Variants in GANC observed in about 807,000 individuals in gnomAD.
GANC encodes the protein glucosidase alpha, neutral C, also known as neutral alpha-glucosidase C.
A neutral mutation model predicts 124.2 loss-of-function variants in GANC; 117 were observed. The ratio of observed to expected loss-of-function variants is 0.94; its 90% CI spans 0.81 to 1.10. The LOEUF (loss-of-function observed/expected upper bound fraction) is 1.10, where lower values mean the gene tolerates loss of function less well. Ranked by LOEUF, GANC falls within the 50% of genes least tolerant of loss-of-function variation. The pLI, the probability that GANC is intolerant of heterozygous loss-of-function variation, is 0.00. For synonymous variants in GANC, 377 were observed against 376.8 expected, an observed-to-expected ratio of 1.00 and a Z score of -0.01; for missense variants, 1,140 against 1,095.0, an observed-to-expected ratio of 1.04 and a Z score of -0.58.
intron 18 of GANC, 86 bp from the exon 19 acceptor site, chr15:42,342,992 A>G: frequency 7.2e-6 from 8 of 1,115,498 alleles, no homozygotes; most frequent in Non-Finnish European, 9.4e-6. Flanking sequence ...CTGTAACACC[A>G]TGATAGCTAG....
chr15:42,299,994 C>G (rs1487668243), intron 6 of GANC, among the ~76,000 whole-genome samples: 3 of 152,070 alleles, frequency 2.0e-5, no homozygotes, highest in Non-Finnish European at 2.9e-5. Context: ...AATGTAAAAC[C>G]CAAAACCATA....
intron 3 of GANC, among the ~76,000 whole-genome samples, chr15:42,279,889 G>A (rs772503050): frequency 1.3e-5 from 2 of 152,150 alleles, no homozygotes; most frequent in Admixed American, 6.5e-5. Context: ...ACTGATATTC[G>A]TGGGTTCTCC....
chr15:42,307,489 A>G (rs1455836437), intron 7 of GANC, among the ~76,000 whole-genome samples: 2 of 152,020 alleles, frequency 1.3e-5, no homozygotes, highest in African/African-American at 4.8e-5. Flanking sequence ...ATGAGCCACC[A>G]TACCCGGCCA....
In GANC at chr15:42,330,819, G is replaced by A. The variant is rs1198625314; in HGVS notation, c.1741+147G>A. 4 of 555,574 alleles carry A rather than the reference G, an allele frequency of 7.2e-6. No homozygotes were observed. The African/African-American group carries it at 8.1e-5, about 11-fold the overall frequency. The allele number at this position is 555,574 out of a possible 1,614,324, so 34.4% of individuals were successfully genotyped here. On this transcript the variant is annotated intron_variant, in intron 15 of 23. Coordinates refer to ENST00000318010, the MANE Select transcript of GANC (RefSeq NM_198141.3). ...ATTTGTTTGTTTGAAACAGAGTCTC[G>A]CTTTGTCACCCAGGCTGGAGTGCAG...
intron 20 of GANC, among the ~76,000 whole-genome samples, chr15:42,347,043 G>C (rs1774386615): frequency 6.6e-6 from 1 of 151,366 alleles, no homozygotes; most frequent in South Asian, 2.1e-4. Context: ...CTGAGATTCA[G>C]AGAAGTTAAA....
In GANC at chr15:42,352,495, C is replaced by T. The variant is rs3743007; in HGVS notation, c.*356C>T. ...TACCTGGGCAGCCCATTTGCCAGGGCTTGCCTCAGGCCATGCAGCATTGGC... is the reference window on the plus strand; with the variant it reads ...TACCTGGGCAGCCCATTTGCCAGGGTTTGCCTCAGGCCATGCAGCATTGGC... On this transcript the variant is annotated 3_prime_UTR_variant, in exon 24 of 24. Coordinates refer to ENST00000318010, the MANE Select transcript of GANC (RefSeq NM_198141.3). 69,556 of 1,054,350 alleles carry T rather than the reference C, an allele frequency of 0.066. 3,067 individuals are homozygous for T. Among genetic ancestry groups the T allele is most frequent in the Admixed American group, 0.2 (4,158 of 20,650 alleles). 65.3% of individuals were successfully genotyped at this position (1,054,350 alleles called of 1,614,324 possible). A position where few individuals can be genotyped will look rare whatever the true frequency, so the allele number is the denominator to read the frequency against.
chr15:42,321,458 G>A (rs191861630), intron 10 of GANC, among the ~76,000 whole-genome samples: 1 of 152,084 alleles, frequency 6.6e-6, no homozygotes, highest in Admixed American at 6.6e-5. Context: ...ACTCTACAAG[G>A]TCCAAACCAG....
chr15:42,287,133 A>G (rs749461914), intron 3 of GANC, among the ~76,000 whole-genome samples: 11 of 152,100 alleles, frequency 7.2e-5, no homozygotes, highest in Non-Finnish European at 1.0e-4. Context: ...CCCCGGGTCT[A>G]TTTTCCCAGC....
intron 3 of GANC, among the ~76,000 whole-genome samples, chr15:42,285,692 G>A (rs927963541): frequency 6.6e-6 from 1 of 152,184 alleles, no homozygotes; most frequent in African/African-American, 2.4e-5. Flanking sequence ...CTACTCAGGA[G>A]GCTGAGGCAC....
At chr15:42,278,104 C>A in intron 2 of GANC, 1 of 323,212 alleles carries the variant, frequency 3.1e-6, no homozygotes, top group South Asian at 2.3e-5. Flanking sequence ...CTTGTTAAAC[C>A]ACTAGATTAT....
Position 42,340,755 on chromosome 15 carries a change from G to C in GANC, c.2152+1G>C. ...GATATGGAAGATGAATACATGCTGG[G>C]TGAGCATTTCTGTTTTTTTTTTTTT... is the stretch of plus-strand genomic sequence containing the variant. On this transcript the variant is annotated splice_donor_variant, in intron 18 of 23. Transcript: ENST00000318010. LOFTEE classifies it high-confidence loss of function. 6.3e-7 allele frequency: 1 copy of C among 1,590,092 alleles called. No individual in the cohort carries two copies. The highest frequency in any genetic ancestry group is 8.5e-7 in the Non-Finnish European group (1 of 1,170,976).
At chr15:42,295,323 G>A (rs1231082808) in intron 5 of GANC, among the ~76,000 whole-genome samples, 1 of 151,898 alleles carries the variant, frequency 6.6e-6, no homozygotes. Flanking sequence ...GGTTGTACTG[G>A]TAGCTATAGT....
At chr15:42,347,699 C>T (rs932661346) in intron 20 of GANC, among the ~76,000 whole-genome samples, 5 of 152,120 alleles carry the variant, frequency 3.3e-5, no homozygotes, top group African/African-American at 1.2e-4. Flanking sequence ...CCCACTCACA[C>T]AGACAGAAAA....
intron 2 of GANC, among the ~76,000 whole-genome samples, 162 bp from the exon 3 acceptor site, chr15:42,278,320 A>G (rs1434020546): frequency 6.6e-6 from 1 of 152,194 alleles, no homozygotes; most frequent in Admixed American, 6.5e-5. Flanking sequence ...TTCTAATAAT[A>G]AAGTTCCTGA....
Position 42,351,331 on chromosome 15 carries a change from T to C in GANC, c.2534T>C (p.Phe845Ser), listed in dbSNP as rs7181742. Residue 845 changes from phenylalanine to serine, a missense_variant and splice_region_variant, in exon 23 of 24, where the codon TTT (phenylalanine) becomes TCT (serine). Physicochemically the swap from Phe to Ser is radical, Grantham distance 155. Coordinates refer to ENST00000318010, the MANE Select transcript of GANC (RefSeq NM_198141.3). The stretch of plus-strand genomic sequence containing the variant: ...AATACTGTTTGTATCTATTCCAGTT[T>C]TGCTGACCAGAGGGGTCATTATCCC... ...SFCSSVLINS[F>S]ADQRGHYPSK... is the part of the protein sequence containing the mutation. 287,225 of 1,608,104 alleles carry C rather than the reference T, an allele frequency of 0.18. 37,788 individuals carry two copies. Among genetic ancestry groups the C allele is most frequent in the African/African-American group, 0.65 (48,470 of 74,672 alleles).
At chr15:42,306,738 G>T (rs2052000364) in intron 7 of GANC, 126 bp downstream of exon 7, 1 of 626,560 alleles carries the variant, frequency 1.6e-6, no homozygotes, top group African/African-American at 1.8e-5. Context: ...AGAAATCCCA[G>T]ATCAGATTTG....
At chr15:42,334,428 C>T (rs780316811) in intron 15 of GANC, among the ~76,000 whole-genome samples, 4 of 152,164 alleles carry the variant, frequency 2.6e-5, no homozygotes, top group Non-Finnish European at 5.9e-5. Context: ...TCACAAAGTG[C>T]TGGGATTACA....
chr15:42,303,164 A>G (rs561147925), intron 6 of GANC, among the ~76,000 whole-genome samples: 54 of 152,354 alleles, frequency 3.5e-4, no homozygotes, highest in Admixed American at 2.7e-3. Flanking sequence ...CTCTCTGCAG[A>G]AGCCCTACAA....
chr15:42,273,433 C>T lies in GANC; in HGVS notation c.-1049C>T, dbSNP rs1293125054. On this transcript the variant is annotated 5_prime_UTR_variant, in exon 1 of 24. Transcript: ENST00000318010. ...CGTGGAGTGCCTACCGAAAGCATTT[C>T]ACCCTCTTCCGGTTCGTCCCGCCTT... 1 of 1,612,064 alleles carries T rather than the reference C, an allele frequency of 6.2e-7. No homozygotes were observed. The highest frequency in any genetic ancestry group is 2.2e-5 in the East Asian group (1 of 44,862).
Sources: gnomAD v4.1 joint callset for allele counts (sites outside exome capture counted in the v4.1 genomes callset) on GRCh38, gnomAD v4.1.1 for gene constraint, MANE v1.5 for transcripts, NCBI Gene and HGNC (gene_info 2026-07-23, HGNC 2026-07-21) for gene names.